The following SLC10A4 variants were observed in gnomAD, a reference collection of about 807,000 sequenced individuals.
SLC10A4 encodes solute carrier family 10 member 4, also known as putative sodium/bile acid cotransporter 4.
A neutral mutation model predicts 22.5 loss-of-function variants in SLC10A4; 17 were observed. The ratio of observed to expected loss-of-function variants is 0.76; its 90% CI spans 0.52 to 1.14. SLC10A4 has a LOEUF of 1.14. SLC10A4 is among the 50% of genes most tolerant of loss of function. The pLI is 0.00. For missense variants in SLC10A4, 548 were observed against 584.0 expected (o/e 0.94, Z 0.64); for synonymous variants, 257 against 258.2 (o/e 1.00, Z 0.04).
intron 1 of SLC10A4, among the ~76,000 whole-genome samples, chr4:48,484,376 G>C (rs1449321520): frequency 6.6e-6 from 1 of 152,228 alleles, no homozygotes; most frequent in Non-Finnish European, 1.5e-5. Context: ...CTGCTCCAAG[G>C]CTGGGATTCC....
At position 48,484,993 on chromosome 4, in the gene SLC10A4, A is replaced by G. The variant is rs1421636970; in HGVS notation, c.652A>G (p.Ile218Val). 9 of 1,613,844 alleles carry G rather than the reference A, an allele frequency of 5.6e-6. No homozygotes were observed. In the African/African-American group the frequency reaches 6.7e-5, roughly 12 times the overall value. Residue 218 changes from isoleucine (I) to valine (V), a missense_variant, in exon 2 of 3, where the codon ATC becomes GTC. Ile to Val is a conservative substitution (Grantham distance 29). Around this residue, in one of 3 missense-constraint regions of SLC10A4, gnomAD observed 314 missense variants for 353.2 expected, o/e 0.89. Transcript: ENST00000273861. Reference protein sequence around the residue: ...ALVLMPLCLWIYSWAWINTPI... With the variant: ...ALVLMPLCLWVYSWAWINTPI... ...CGTCTTGATGCCCCTGTGCCTGTGG[A>G]TCTACAGCTGGGCTTGGATCAACAC...
At chr4:48,487,042 TA>T (rs201719016) in intron 2 of SLC10A4, among the ~76,000 whole-genome samples, 19 of 150,462 alleles carry the variant, frequency 1.3e-4, no homozygotes, top group Non-Finnish European at 1.6e-4. Context: ...CACTCCTCAT[TA>T]AAAAAAAATA....
In SLC10A4 at chr4:48,483,970, G is replaced by T. The variant is rs1402822495; in HGVS notation, c.409G>T (p.Val137Leu). 3 of 1,553,270 alleles carry T rather than the reference G, an allele frequency of 1.9e-6. No homozygotes were observed. Among genetic ancestry groups the T allele is most frequent in the Non-Finnish European group, 2.6e-6 (3 of 1,151,386 alleles). Residue 137 changes from valine (V) to leucine (L), a missense_variant, in exon 1 of 3, where the codon GTG becomes TTG. By Grantham distance (32) the Val-to-Leu change is conservative. Around this residue, in one of 3 missense-constraint regions of SLC10A4, gnomAD observed 314 missense variants for 353.2 expected, o/e 0.89. Coordinates refer to ENST00000273861, the MANE Select transcript of SLC10A4 (RefSeq NM_152679.4). This position sits in a 1 kb window ranked among gnomAD's most constrained non-coding sequence, Gnocchi z 5.4. ...CTTCGGGGCGCACGTCCGTCGGCCC[G>T]TGGGCGCGCTGCTGGCAGCGCTCTG... ...NHFGAHVRRP[V>L]GALLAALCQF...
At position 48,485,015 on chromosome 4, in the gene SLC10A4, A is replaced by C; in HGVS notation, c.674A>C (p.Asn225Thr). 1 of 1,614,062 alleles carries C rather than the reference A, an allele frequency of 6.2e-7. No individual in the cohort carries two copies. The highest frequency in any genetic ancestry group is 8.5e-7 in the Non-Finnish European group (1 of 1,179,998). ...CLWIYSWAWI[N>T]TPIVQLLPLG... ...TGGATCTACAGCTGGGCTTGGATCA[A>C]CACCCCTATCGTGCAGTTACTACCC... The change falls in exon 2 of 3, where the codon AAC becomes ACC. Residue 225 changes from asparagine (N) to threonine (T), a missense_variant. Around this residue, in one of 3 missense-constraint regions of SLC10A4, gnomAD observed 314 missense variants for 353.2 expected, o/e 0.89. Coordinates refer to ENST00000273861, the MANE Select transcript of SLC10A4 (RefSeq NM_152679.4).
chr4:48,488,713 T>A lies in SLC10A4; in HGVS notation c.1088T>A (p.Phe363Tyr). 1 of 1,614,060 alleles carries A rather than the reference T, an allele frequency of 6.2e-7. No individual in the cohort carries two copies. The highest frequency in any genetic ancestry group is 8.5e-7 in the Non-Finnish European group (1 of 1,180,042). The change falls in exon 3 of 3, where the codon TTT becomes TAT. Residue 363 changes from phenylalanine to tyrosine, a missense_variant. By Grantham distance (22) the Phe-to-Tyr change is conservative (BLOSUM62 3). Around this residue, in one of 3 missense-constraint regions of SLC10A4, gnomAD observed 314 missense variants for 353.2 expected, o/e 0.89. Transcript: ENST00000273861. The part of the protein sequence containing the change: ...PPQFIGSMYM[F>Y]PLLYALFQSA... ...CAATTCATAGGAAGCATGTACATGT[T>A]TCCTTTGCTGTATGCACTTTTCCAG... is the stretch of plus-strand genomic sequence containing the variant.
rs931177878 is a variant in SLC10A4 at position 48,488,416 on chromosome 4, T to C, written c.802-11T>C. On this transcript the variant is annotated splice_polypyrimidine_tract_variant and intron_variant, in intron 2 of 2. Coordinates refer to ENST00000273861, the MANE Select transcript of SLC10A4 (RefSeq NM_152679.4). Reference sequence around the variant, plus strand: ...ATCTTCAACCATCTCATTGTAATTTTCTATTACTAGGTTTCCCTGTGGTCT... The same window carrying C: ...ATCTTCAACCATCTCATTGTAATTTCCTATTACTAGGTTTCCCTGTGGTCT... The C allele has an allele frequency of 1.3e-6, 2 of 1,567,298 alleles. No homozygotes were observed. Among genetic ancestry groups the C allele is most frequent in the Non-Finnish European group, 1.7e-6 (2 of 1,155,820 alleles).
intron 1 of SLC10A4, among the ~76,000 whole-genome samples, chr4:48,484,581 C>T (rs11945562): frequency 0.52 from 79,767 of 152,066 alleles, 21,604 homozygotes; most frequent in African/African-American, 0.66. Context: ...ATTGTTGAGT[C>T]CGACCAACAA....
rs146571992 is a variant in SLC10A4 at position 48,488,609 on chromosome 4, C to T, written c.984C>T (p.Cys328=). Residue 328 remains cysteine (C), a synonymous_variant, in exon 3 of 3, where the codon TGC becomes TGT. Coordinates refer to ENST00000273861, the MANE Select transcript of SLC10A4 (RefSeq NM_152679.4). ...CTCTCTTCCATCTTCCACCCAACTGCAAGAGGACTGTATGTCTGGAAACAG... is the reference window on the plus strand; with the variant it reads ...CTCTCTTCCATCTTCCACCCAACTGTAAGAGGACTGTATGTCTGGAAACAG... ...LATLFHLPPN[C]KRTVCLETGS... 37 of 1,613,954 alleles carry T rather than the reference C, an allele frequency of 2.3e-5. No individual in the cohort carries two copies. In the African/African-American group the frequency reaches 4.3e-4, roughly 19 times the overall value.
rs762328186 is a variant in SLC10A4 at position 48,484,936 on chromosome 4, A to G, written c.595A>G (p.Ile199Val). 6.2e-7 allele frequency: 1 copy of G among 1,613,010 alleles called. No individual in the cohort carries two copies. The highest frequency in any genetic ancestry group is 8.5e-7 in the Non-Finnish European group (1 of 1,179,446). ...TGCACATTCCCTTTTCTGCAGCATC[A>G]TCATGACCATCTCCTCCACGCTTCT... is the stretch of plus-strand genomic sequence containing the variant. ...LVDGDMNLSI[I>V]MTISSTLLAL... The change falls in exon 2 of 3, where the codon ATC (isoleucine) becomes GTC (valine). Residue 199 changes from isoleucine to valine, a missense_variant. Coordinates refer to ENST00000273861, the MANE Select transcript of SLC10A4 (RefSeq NM_152679.4).
intron 1 of SLC10A4, 115 bp downstream of exon 1, chr4:48,484,266 G>A (rs2148671874): frequency 1.8e-6 from 2 of 1,109,390 alleles, no homozygotes; most frequent in Admixed American, 5.0e-5. Context: ...CGTGGAGGAA[G>A]GAGGAGAAAA....
Position 48,483,484 on chromosome 4 carries a change from GGCGGCGACT to G in SLC10A4, c.-69_-61del, listed in dbSNP as rs1187822402. The G allele has an allele frequency of 4.1e-6, 5 of 1,229,536 alleles. No homozygotes were observed. The African/African-American group carries it at 6.3e-5, about 16-fold the overall frequency. 76.2% of individuals were successfully genotyped at this position (1,229,536 alleles called of 1,614,324 possible). A position where few individuals can be genotyped will look rare whatever the true frequency, so the allele number is the denominator to read the frequency against. Reference sequence around the variant, plus strand: ...TCGGAGACCGACGGGCAGAACGACGGGCGGCGACTGCGGCGACCGCGGGACGGCGAGAGG... The same window carrying G: ...TCGGAGACCGACGGGCAGAACGACGGGCGGCGACCGCGGGACGGCGAGAGG... On this transcript the variant is annotated 5_prime_UTR_variant, in exon 1 of 3. Transcript: ENST00000273861. The surrounding 1 kb of genome is among the most constrained non-coding windows in gnomAD (Gnocchi z 5.4).
rs760885325 is a variant in SLC10A4 at position 48,485,073 on chromosome 4, T to C, written c.732T>C (p.Thr244=). 2.5e-6 allele frequency: 4 copies of C among 1,614,046 alleles called. No individual in the cohort carries two copies. The highest frequency in any genetic ancestry group is 3.4e-6 in the Non-Finnish European group (4 of 1,180,008). Residue 244 remains threonine, a synonymous_variant, in exon 2 of 3, where the codon ACT becomes ACC. Coordinates refer to ENST00000273861, the MANE Select transcript of SLC10A4 (RefSeq NM_152679.4). Reference sequence around the variant, plus strand: ...CCGTGACCCTGACTCTCTGCAGCACTCTCATACCTATCGGGTTGGGCGTCT... The same window carrying C: ...CCGTGACCCTGACTCTCTGCAGCACCCTCATACCTATCGGGTTGGGCGTCT... ...LGTVTLTLCS[T]LIPIGLGVFI...
chr4:48,483,885 C>A lies in SLC10A4; in HGVS notation c.324C>A (p.Phe108Leu), dbSNP rs1718228504. 2 of 1,544,036 alleles carry A rather than the reference C, an allele frequency of 1.3e-6. No homozygotes were observed. The highest frequency in any genetic ancestry group is 2.4e-5 in the East Asian group (1 of 40,914). Reference sequence around the variant, plus strand: ...CGCTGAACCACGGGCTGAACGTGTTCGTGGGCGCCGCCCTGTGCATCACCA... The same window carrying A: ...CGCTGAACCACGGGCTGAACGTGTTAGTGGGCGCCGCCCTGTGCATCACCA... ...DTPLNHGLNV[F>L]VGAALCITML... Residue 108 changes from phenylalanine (F) to leucine (L), a missense_variant, in exon 1 of 3, where the codon TTC becomes TTA. By Grantham distance (22) the Phe-to-Leu change is conservative. This residue lies in a region of SLC10A4 where 225 missense variants were observed against 206.9 expected (regional missense o/e 1.09). Coordinates refer to ENST00000273861, the MANE Select transcript of SLC10A4 (RefSeq NM_152679.4). The surrounding 1 kb of genome is among the most constrained non-coding windows in gnomAD (Gnocchi z 5.4).
Position 48,488,796 on chromosome 4 carries a change from C to G in SLC10A4, c.1171C>G (p.His391Asp). ...IYKMYGSEML[H>D]KRDPLDEDED... The stretch of plus-strand genomic sequence containing the variant: ...TAAAATGTATGGAAGTGAAATGTTG[C>G]ACAAGCGAGATCCTCTAGATGAAGA... Residue 391 changes from histidine to aspartate, a missense_variant, in exon 3 of 3, where the codon CAC becomes GAC. This residue lies in a region of SLC10A4 where 314 missense variants were observed against 353.2 expected (regional missense o/e 0.89). Coordinates refer to ENST00000273861, the MANE Select transcript of SLC10A4 (RefSeq NM_152679.4). The G allele has an allele frequency of 6.2e-7, 1 of 1,613,980 alleles. No individual in the cohort carries two copies. The highest frequency in any genetic ancestry group is 1.1e-5 in the South Asian group (1 of 91,080).
chr4:48,488,687 G>T lies in SLC10A4; in HGVS notation c.1062G>T (p.Pro354=), dbSNP rs776506978. 1.9e-6 allele frequency: 3 copies of T among 1,613,856 alleles called. 1 individual carries two copies. The highest frequency in any genetic ancestry group is 2.2e-5 in the South Asian group (2 of 91,064). Residue 354 remains proline, a synonymous_variant, in exon 3 of 3, where the codon CCG becomes CCT. Coordinates refer to ENST00000273861, the MANE Select transcript of SLC10A4 (RefSeq NM_152679.4). ...CTAILKLAFP[P]QFIGSMYMFP... is the part of the protein sequence containing the mutation. ...CCATTCTAAAACTGGCCTTTCCACC[G>T]CAATTCATAGGAAGCATGTACATGT...
Position 48,485,012 on chromosome 4 carries a change from T to A in SLC10A4, c.671T>A (p.Ile224Asn). ...CTGTGGATCTACAGCTGGGCTTGGA[T>A]CAACACCCCTATCGTGCAGTTACTA... ...LCLWIYSWAWINTPIVQLLPL... is the reference protein window; with the variant it reads ...LCLWIYSWAWNNTPIVQLLPL... Residue 224 changes from isoleucine to asparagine, a missense_variant, in exon 2 of 3, where the codon ATC (isoleucine) becomes AAC (asparagine). Physicochemically the swap from Ile to Asn is moderately radical, Grantham distance 149 (BLOSUM62 -3). Around this residue, in one of 3 missense-constraint regions of SLC10A4, gnomAD observed 314 missense variants for 353.2 expected, o/e 0.89. Coordinates refer to ENST00000273861, the MANE Select transcript of SLC10A4 (RefSeq NM_152679.4). 1 of 1,614,124 alleles carries A rather than the reference T, an allele frequency of 6.2e-7. No individual in the cohort carries two copies. Among genetic ancestry groups the A allele is most frequent in the Non-Finnish European group, 8.5e-7 (1 of 1,180,020 alleles).
At position 48,483,685 on chromosome 4, in the gene SLC10A4, G is replaced by A. The variant is rs538971971; in HGVS notation, c.124G>A (p.Ala42Thr). The A allele has an allele frequency of 1.4e-4, 204 of 1,470,462 alleles. No individual in the cohort carries two copies. In the African/African-American group the frequency reaches 2.7e-3, roughly 20 times the overall value. The allele number at this position is 1,470,462 out of a possible 1,614,324, so 91.1% of individuals were successfully genotyped here. The change falls in exon 1 of 3, where the codon GCC becomes ACC. Residue 42 changes from alanine to threonine, a missense_variant. Transcript: ENST00000273861. This position sits in a 1 kb window ranked among gnomAD's most constrained non-coding sequence, Gnocchi z 5.4. Reference protein sequence around the residue: ...TDLALAPASSAGPGPGLSLGP... With the variant: ...TDLALAPASSTGPGPGLSLGP... ...CCTCGCCCTCGCCCCTGCCTCCAGC[G>A]CCGGCCCCGGCCCTGGGCTCAGCCT...
chr4:48,487,884 A>C (rs1323829346), intron 2 of SLC10A4, among the ~76,000 whole-genome samples: 1 of 135,522 alleles, frequency 7.4e-6, no homozygotes, highest in East Asian at 2.2e-4. Context: ...TGCTCACTGC[A>C]ACCTCCACCT....
In SLC10A4 at chr4:48,489,445, T is replaced by G. The variant is rs1288357231; in HGVS notation, c.*506T>G. Among the ~76,000 whole-genome samples, 2 of 152,250 alleles carry G rather than the reference T, an allele frequency of 1.3e-5. No homozygotes were observed. The highest frequency in any genetic ancestry group is 2.9e-5 in the Non-Finnish European group (2 of 68,040). On this transcript the variant is annotated 3_prime_UTR_variant, in exon 3 of 3. Coordinates refer to ENST00000273861, the MANE Select transcript of SLC10A4 (RefSeq NM_152679.4). ...AAATATAGTATTTGTCAAACCAGTA[T>G]CAGAGAAAAGTTACATTAATGTATT... is the stretch of plus-strand genomic sequence containing the variant.
Sources: gnomAD v4.1 joint callset for allele counts (sites outside exome capture counted in the v4.1 genomes callset) on GRCh38, gnomAD v4.1.1 for gene constraint, gnomAD v4.1.1 regional missense constraint, Gnocchi (gnomAD v3.1) non-coding constraint, MANE v1.5 for transcripts, NCBI Gene and HGNC (gene_info 2026-07-23, HGNC 2026-07-21) for gene names.